The following PRSS12 variants were observed in gnomAD, a reference collection of about 807,000 sequenced individuals.
PRSS12 encodes neurotrypsin.
In PRSS12, 85 loss-of-function variants were observed where a neutral mutation model predicts 104.4. The observed-to-expected ratio is 0.81, with a 90% CI of 0.68 to 0.98. The LOEUF is 0.98. PRSS12 is among the 50% of genes least tolerant of loss of function. The probability of loss-of-function intolerance (pLI) is 0.00; values close to 1 mark genes in which losing one functional copy is unlikely to be tolerated. For synonymous variants in PRSS12, 454 were observed against 425.2 expected (o/e 1.07, Z -0.83); for missense variants, 1,141 against 1,139.2 (o/e 1.00, Z -0.02).
intron 6 of PRSS12, among the ~76,000 whole-genome samples, chr4:118,314,371 C>A (rs960462478): frequency 6.6e-6 from 1 of 151,992 alleles, no homozygotes; most frequent in African/African-American, 2.4e-5. Context: ...TAAATTAAAA[C>A]AATGAAAATT....
intron 11 of PRSS12, among the ~76,000 whole-genome samples, chr4:118,287,829 C>T (rs1743046226): frequency 6.6e-6 from 1 of 152,164 alleles, no homozygotes; most frequent in Non-Finnish European, 1.5e-5. Context: ...AAAAATGCTT[C>T]TAAAACAAAC....
At chr4:118,342,405 A>G (rs370541387) in intron 1 of PRSS12, among the ~76,000 whole-genome samples, 1 of 152,188 alleles carries the variant, frequency 6.6e-6, no homozygotes, top group African/African-American at 2.4e-5. Flanking sequence ...TCGATACTCT[A>G]GTCAGAGCTT....
At chr4:118,293,413 T>G (rs1347980748) in intron 11 of PRSS12, among the ~76,000 whole-genome samples, 4 of 152,080 alleles carry the variant, frequency 2.6e-5, no homozygotes, top group Non-Finnish European at 5.9e-5. Context: ...ATACAAAGCT[T>G]TTGTAAAACT....
chr4:118,308,718 A>G, intron 7 of PRSS12, 141 bp from the exon 8 acceptor site: 24 of 1,179,330 alleles, frequency 2.0e-5, no homozygotes, highest in Middle Eastern at 4.2e-4. Context: ...GAGAGGAGAT[A>G]TATCAATAAA....
At chr4:118,298,705 T>A (rs1469807071) in intron 9 of PRSS12, 28 bp downstream of exon 9, 1 of 1,602,320 alleles carries the variant, frequency 6.2e-7, no homozygotes. Context: ...ATTCCTTGAC[T>A]TGTTTAGGGC....
At chr4:118,342,842 T>G (rs1724251491) in intron 1 of PRSS12, among the ~76,000 whole-genome samples, 1 of 152,236 alleles carries the variant, frequency 6.6e-6, no homozygotes, top group Admixed American at 6.5e-5. Flanking sequence ...TAAAATAGTT[T>G]ACAACTGTTT....
At chr4:118,321,292 G>T (rs2126036732) in intron 4 of PRSS12, among the ~76,000 whole-genome samples, 1 of 152,276 alleles carries the variant, frequency 6.6e-6, no homozygotes, top group East Asian at 1.9e-4. Flanking sequence ...AAAGTTTTCA[G>T]CTGTTTCAAA....
chr4:118,340,880 T>G (rs1390288345), intron 1 of PRSS12, among the ~76,000 whole-genome samples: 35 of 152,218 alleles, frequency 2.3e-4, no homozygotes, highest in Admixed American at 2.2e-3. Flanking sequence ...CTCAATAGAC[T>G]GAGTGGGGAA....
At chr4:118,317,855 G>A (rs971000153) in intron 5 of PRSS12, among the ~76,000 whole-genome samples, 5 of 151,978 alleles carry the variant, frequency 3.3e-5, no homozygotes, top group South Asian at 2.1e-4. Context: ...GTACATACAC[G>A]CACACCAGTT....
chr4:118,282,147 A>T lies in PRSS12; in HGVS notation c.2417T>A (p.Met806Lys). ...TTCATGGAGGTTTCCAGCACAAAGC[A>T]TTCTCCCTGTAAACCGACCCTTATA... ...ERYKGRFTGR[M>K]LCAGNLHEHK... is the part of the protein sequence containing the mutation. Residue 806 changes from methionine (M) to lysine (K), a missense_variant, in exon 13 of 13, where the codon ATG becomes AAG. Physicochemically the swap from Met to Lys is moderately conservative, Grantham distance 95. Transcript: ENST00000296498. The T allele has an allele frequency of 6.2e-7, 1 of 1,614,186 alleles. No homozygotes were observed. Among genetic ancestry groups the T allele is most frequent in the Non-Finnish European group, 8.5e-7 (1 of 1,180,040 alleles).
intron 1 of PRSS12, among the ~76,000 whole-genome samples, chr4:118,344,853 T>C (rs1424609866): frequency 6.6e-6 from 1 of 152,184 alleles, no homozygotes; most frequent in Non-Finnish European, 1.5e-5. Context: ...TAACAATACA[T>C]GCATATAACC....
intron 1 of PRSS12, among the ~76,000 whole-genome samples, chr4:118,341,259 G>T (rs1414850339): frequency 6.6e-6 from 1 of 152,154 alleles, no homozygotes; most frequent in Non-Finnish European, 1.5e-5. Context: ...TTCATTTGGT[G>T]ATATCATTTT....
At chr4:118,316,067 G>A (rs1743899460) in intron 6 of PRSS12, 115 bp downstream of exon 6, 1 of 1,144,646 alleles carries the variant, frequency 8.7e-7, no homozygotes, top group Non-Finnish European at 1.3e-6. Flanking sequence ...CCATACACAG[G>A]TAGGAGAGAA....
rs573317117 is a variant in PRSS12, at chr4:118,352,601, A to C, written c.120T>G (p.Gly40=). The change falls in exon 1 of 13, where the codon GGT becomes GGG. Residue 40 remains glycine (G), a synonymous_variant. Transcript: ENST00000296498. ...TGGGAAGGTAATAGGGGTAGTGCGG[A>C]CCCGCAGGGGGCGAATGGCGGTGGC... is the stretch of plus-strand genomic sequence containing the variant. The part of the protein sequence containing the change: ...HHSHRHSPPA[G]PHYPYYLPTQ... 3.7e-6 allele frequency: 6 copies of C among 1,608,310 alleles called. No homozygotes were observed. In the East Asian group the frequency reaches 9.0e-5, roughly 24 times the overall value.
At chr4:118,317,110 AAGAC>A (rs1479505203) in intron 5 of PRSS12, among the ~76,000 whole-genome samples, 1 of 151,996 alleles carries the variant, frequency 6.6e-6, no homozygotes, top group Admixed American at 6.6e-5. Flanking sequence ...TTCTGGATAA[AAGAC>A]AGTCTGTCAT....
Position 118,298,955 on chromosome 4 carries a change from C to T in PRSS12, c.1632-17G>A. 1 of 1,612,822 alleles carries T rather than the reference C, an allele frequency of 6.2e-7. No individual in the cohort carries two copies. The highest frequency in any genetic ancestry group is 1.3e-5 in the African/African-American group (1 of 75,012). ...GCAGGACCCCTGAAGACAGAACATTCTTAATCATGTGAAGAATCAGTCAGT... is the reference window on the plus strand; with the variant it reads ...GCAGGACCCCTGAAGACAGAACATTTTTAATCATGTGAAGAATCAGTCAGT... On this transcript the variant is annotated splice_polypyrimidine_tract_variant and intron_variant, in intron 8 of 12. Transcript: ENST00000296498.
chr4:118,314,066 A>T (rs1743833184), intron 6 of PRSS12, among the ~76,000 whole-genome samples: 2 of 152,134 alleles, frequency 1.3e-5, no homozygotes, highest in African/African-American at 4.8e-5. Context: ...GATCTGAAAA[A>T]TTTTTTAAAT....
At chr4:118,318,867 C>T (rs536683548) in intron 4 of PRSS12, among the ~76,000 whole-genome samples, 1 of 152,260 alleles carries the variant, frequency 6.6e-6, no homozygotes, top group East Asian at 1.9e-4. Flanking sequence ...GCCTCCCCTC[C>T]TTCTTGATGA....
intron 2 of PRSS12, 138 bp from the exon 3 acceptor site, chr4:118,335,789 A>G (rs1459985169): frequency 1.2e-6 from 1 of 824,532 alleles, no homozygotes; most frequent in East Asian, 2.6e-5. Context: ...AGAAAAACAC[A>G]AAAGACTACA....
Sources: allele counts gnomAD v4.1 joint callset (sites outside exome capture counted in the v4.1 genomes callset), GRCh38; gene constraint gnomAD v4.1.1; transcripts MANE v1.5; gene names NCBI Gene and HGNC (gene_info 2026-07-23, HGNC 2026-07-21).